Variants in LRRC4C observed in about 807,000 individuals in gnomAD.
LRRC4C encodes leucine rich repeat containing 4C, also known as leucine-rich repeat-containing protein 4C.
Under a neutral mutation model 33.6 loss-of-function variants are expected in LRRC4C, and 5 were observed. That is an observed-to-expected ratio of 0.15 (90% confidence interval 0.08 to 0.31). The LOEUF is 0.31. Among genes scored for constraint, LRRC4C ranks in the 10% least tolerant of loss-of-function variants. LRRC4C has a pLI of 1.00. For synonymous variants in LRRC4C, 329 were observed against 302.0 expected (o/e 1.09, Z -0.93); for missense variants, 560 against 796.7 (o/e 0.70, Z 3.58).
At chr11:41,108,815 T>C (rs1273686828) in intron 1 of LRRC4C, among the ~76,000 whole-genome samples, 1 of 152,106 alleles carries the variant, frequency 6.6e-6, no homozygotes, top group Non-Finnish European at 1.5e-5. Context: ...CTGAAATTAT[T>C]ATCTTGACTG....
intron 3 of LRRC4C, among the ~76,000 whole-genome samples, chr11:40,590,598 T>A (rs1233113466): frequency 6.6e-6 from 1 of 152,080 alleles, no homozygotes; most frequent in Non-Finnish European, 1.5e-5. Flanking sequence ...TTTTTCCCCA[T>A]CTTTGTGGTT....
chr11:41,196,136 A>G (rs1447622186), intron 1 of LRRC4C, among the ~76,000 whole-genome samples: 1 of 152,106 alleles, frequency 6.6e-6, no homozygotes, highest in Non-Finnish European at 1.5e-5. Flanking sequence ...TCCAAAATGT[A>G]GTACTGTCAG....
At chr11:40,971,799 A>G (rs1384560848) in intron 1 of LRRC4C, among the ~76,000 whole-genome samples, 1 of 152,208 alleles carries the variant, frequency 6.6e-6, no homozygotes, top group Non-Finnish European at 1.5e-5. Flanking sequence ...ACCCAAAGCC[A>G]TAGGAGCCCA....
At chr11:40,355,876 G>C (rs544914302) in intron 3 of LRRC4C, among the ~76,000 whole-genome samples, 1 of 152,166 alleles carries the variant, frequency 6.6e-6, no homozygotes, top group African/African-American at 2.4e-5. Flanking sequence ...ACAATCACTA[G>C]AAGATTCTAT....
intron 2 of LRRC4C, among the ~76,000 whole-genome samples, chr11:40,697,942 C>T (rs1945658461): frequency 6.6e-6 from 1 of 151,832 alleles, no homozygotes; most frequent in South Asian, 2.1e-4. Context: ...GTGGCGGGCG[C>T]CTGTAGTCCC....
chr11:40,904,363 T>C (rs1346205945), intron 2 of LRRC4C, among the ~76,000 whole-genome samples: 1 of 152,192 alleles, frequency 6.6e-6, no homozygotes, highest in Non-Finnish European at 1.5e-5. Flanking sequence ...GGCTTCCTTA[T>C]ACATAGCAAA....
intron 1 of LRRC4C, among the ~76,000 whole-genome samples, chr11:41,297,278 C>A (rs1172084059): frequency 1.3e-5 from 2 of 152,084 alleles, no homozygotes; most frequent in Admixed American, 1.3e-4. Context: ...TTATTGGATT[C>A]GGTTTGCTAG....
At chr11:41,221,888 G>C (rs1947324767) in intron 1 of LRRC4C, among the ~76,000 whole-genome samples, 1 of 152,122 alleles carries the variant, frequency 6.6e-6, no homozygotes. Context: ...TGCAAAGCCT[G>C]AATTTGTACT....
intron 2 of LRRC4C, among the ~76,000 whole-genome samples, chr11:40,648,648 G>A (rs7105216): frequency 0.012 from 1,786 of 152,294 alleles, 37 homozygotes; most frequent in African/African-American, 0.04. Context: ...CCATGGGCCT[G>A]GGCTATGTGA....
chr11:40,389,675 C>T (rs1949262583), intron 3 of LRRC4C, among the ~76,000 whole-genome samples: 1 of 152,030 alleles, frequency 6.6e-6, no homozygotes, highest in South Asian at 2.1e-4. Context: ...ATAATCTCCC[C>T]TAAATATTGA....
chr11:40,671,934 AC>A (rs144614058), intron 2 of LRRC4C, among the ~76,000 whole-genome samples: 1 of 152,248 alleles, frequency 6.6e-6, no homozygotes, highest in Non-Finnish European at 1.5e-5. Context: ...TATAGCAGGT[AC>A]TTAGTAAACA....
At chr11:41,253,898 C>T (rs970446135) in intron 1 of LRRC4C, among the ~76,000 whole-genome samples, 16 of 152,044 alleles carry the variant, frequency 1.1e-4, no homozygotes, top group Admixed American at 5.2e-4. Flanking sequence ...GAACCAGGCA[C>T]AGGGCCATTT....
At chr11:41,454,458 T>C (rs1956119113) in intron 1 of LRRC4C, among the ~76,000 whole-genome samples, 1 of 152,056 alleles carries the variant, frequency 6.6e-6, no homozygotes. Context: ...ACAGCAATGA[T>C]TGTAGCGCTT....
At chr11:40,641,391 C>G (rs1942111794) in intron 3 of LRRC4C, among the ~76,000 whole-genome samples, 1 of 151,934 alleles carries the variant, frequency 6.6e-6, no homozygotes, top group Non-Finnish European at 1.5e-5. Flanking sequence ...AAAAATCATC[C>G]TTCTTCAAAC....
At chr11:40,589,587 T>C (rs902463673) in intron 3 of LRRC4C, among the ~76,000 whole-genome samples, 1 of 151,982 alleles carries the variant, frequency 6.6e-6, no homozygotes, top group African/African-American at 2.4e-5. Flanking sequence ...GGTCTTTACA[T>C]TTTGGCATGA....
At chr11:41,047,272 G>T (rs1489222100) in intron 1 of LRRC4C, among the ~76,000 whole-genome samples, 1 of 151,998 alleles carries the variant, frequency 6.6e-6, no homozygotes, top group Non-Finnish European at 1.5e-5. Context: ...TTATTCATTA[G>T]AAAAATTCCA....
At chr11:41,055,031 C>T (rs1227262628) in intron 1 of LRRC4C, among the ~76,000 whole-genome samples, 1 of 152,150 alleles carries the variant, frequency 6.6e-6, no homozygotes, top group Non-Finnish European at 1.5e-5. Context: ...GTGTAACTGC[C>T]ACAAGAATCA....
chr11:40,217,168 G>A (rs1002451907), intron 5 of LRRC4C, among the ~76,000 whole-genome samples: 10 of 152,134 alleles, frequency 6.6e-5, no homozygotes, highest in South Asian at 6.2e-4. Flanking sequence ...ATTAATAAGC[G>A]TTAATATGTA....
At chr11:40,466,756 G>A (rs1282013294) in intron 3 of LRRC4C, among the ~76,000 whole-genome samples, 1 of 151,700 alleles carries the variant, frequency 6.6e-6, no homozygotes, top group African/African-American at 2.4e-5. Context: ...TAAAATATAA[G>A]GGCAAAGAAA....
Sources: allele counts gnomAD v4.1 joint callset (sites outside exome capture counted in the v4.1 genomes callset), GRCh38; gene constraint gnomAD v4.1.1; transcripts MANE v1.5; gene names NCBI Gene and HGNC (gene_info 2026-07-23, HGNC 2026-07-21).